The following ZNF407 variants were observed in gnomAD, a reference collection of about 807,000 sequenced individuals.
The protein encoded by ZNF407 is zinc finger protein 407.
ZNF407 carries 17 observed loss-of-function variants against 131.2 expected under a neutral mutation model. The ratio of observed to expected loss-of-function variants is 0.13; its 90% CI spans 0.09 to 0.19. The LOEUF is 0.19. Among genes scored for constraint, ZNF407 ranks in the 10% least tolerant of loss-of-function variants. The pLI is 1.00. For synonymous variants in ZNF407, 1,156 were observed against 1,062.0 expected (o/e 1.09, Z -1.72); for missense variants, 2,681 against 2,830.6 (o/e 0.95, Z 1.20).
intron 8 of ZNF407, among the ~76,000 whole-genome samples, chr18:75,001,070 C>A (rs1972839834): frequency 6.6e-6 from 1 of 152,100 alleles, no homozygotes; most frequent in African/African-American, 2.4e-5. Flanking sequence ...CTCATCAGTG[C>A]CTATCACATG....
At chr18:74,822,614 A>G (rs1374938867) in intron 4 of ZNF407, among the ~76,000 whole-genome samples, 1 of 152,022 alleles carries the variant, frequency 6.6e-6, no homozygotes, top group Non-Finnish European at 1.5e-5. Flanking sequence ...GTTCTGTTCC[A>G]TTGGTCTATA....
intron 3 of ZNF407, among the ~76,000 whole-genome samples, chr18:74,763,098 A>G (rs1969133893): frequency 6.9e-6 from 1 of 145,544 alleles, no homozygotes; most frequent in Admixed American, 7.0e-5. Flanking sequence ...TGCAATTGTT[A>G]GTCTGTCTGG....
At position 75,044,670 on chromosome 18, in the gene ZNF407, T is replaced by C. The variant is rs559542297; in HGVS notation, c.5429-18480T>C. On this transcript the variant is annotated intron_variant, in intron 8 of 8. Transcript: ENST00000299687. ...GATTGTTGTGATCATGAGGTTTCCATTGATATGTTTGATAAGTGGTTTAAA... is the reference window on the plus strand; with the variant it reads ...GATTGTTGTGATCATGAGGTTTCCACTGATATGTTTGATAAGTGGTTTAAA... Among the ~76,000 whole-genome samples, 293 of 152,320 alleles carry C rather than the reference T, an allele frequency of 1.9e-3. 2 individuals carry two copies. Among genetic ancestry groups the C allele is most frequent in the African/African-American group, 6.7e-3 (280 of 41,570 alleles).
At chr18:74,725,252 C>G (rs2144881020) in intron 3 of ZNF407, among the ~76,000 whole-genome samples, 1 of 152,272 alleles carries the variant, frequency 6.6e-6, no homozygotes, top group African/African-American at 2.4e-5. Context: ...CCTCTCAGCT[C>G]AGACTCCCTG....
At chr18:74,656,941 T>G (rs1985485094) in intron 3 of ZNF407, among the ~76,000 whole-genome samples, 1 of 152,232 alleles carries the variant, frequency 6.6e-6, no homozygotes, top group African/African-American at 2.4e-5. Context: ...TATTGCTTAT[T>G]ACTGTGCTTA....
At chr18:74,911,793 G>A (rs1971676159) in intron 7 of ZNF407, among the ~76,000 whole-genome samples, 1 of 152,092 alleles carries the variant, frequency 6.6e-6, no homozygotes, top group Admixed American at 6.6e-5. Context: ...GCTGTCAAGT[G>A]GTTCCCCCAA....
rs1340136695 is a variant in ZNF407 at position 74,707,151 on chromosome 18, A to G, written c.4802+66029A>G. Among the ~76,000 whole-genome samples the G allele has an allele frequency of 9.1e-4, 138 of 151,982 alleles. 1 individual carries two copies. Among genetic ancestry groups the G allele is most frequent in the Non-Finnish European group, 4.4e-5 (3 of 68,004 alleles). ...TTTTTAGTAGAGACAAGGTTTTACC[A>G]TGTTGGTCAGGCAGTTCTTGTACTC... On this transcript the variant is annotated intron_variant, in intron 3 of 8. Coordinates refer to ENST00000299687, the MANE Select transcript of ZNF407 (RefSeq NM_017757.3).
At chr18:74,659,542 A>G (rs1248786565) in intron 3 of ZNF407, among the ~76,000 whole-genome samples, 1 of 152,200 alleles carries the variant, frequency 6.6e-6, no homozygotes, top group Non-Finnish European at 1.5e-5. Context: ...GACAATGGTT[A>G]CTGGAGCTAT....
At position 75,012,294 on chromosome 18, in the gene ZNF407, T is replaced by C. The variant is rs189395624; in HGVS notation, c.5429-50856T>C. On this transcript the variant is annotated intron_variant, in intron 8 of 8. Coordinates refer to ENST00000299687, the MANE Select transcript of ZNF407 (RefSeq NM_017757.3). Reference sequence around the variant, plus strand: ...TATGTACACATAGTGTATGTACACATAGTGTATGTACACATAGTGTATGTA... The same window carrying C: ...TATGTACACATAGTGTATGTACACACAGTGTATGTACACATAGTGTATGTA... 5.8e-3 allele frequency among the ~76,000 whole-genome samples: 677 copies of C among 115,860 alleles called. 16 individuals carry two copies. The highest frequency in any genetic ancestry group is 0.02 in the African/African-American group (627 of 32,066). 76.0% of individuals were successfully genotyped at this position (115,860 alleles called of 152,430 possible). A position where few individuals can be genotyped will look rare whatever the true frequency, so the allele number is the denominator to read the frequency against.
At chr18:74,674,222 C>T (rs930293591) in intron 3 of ZNF407, among the ~76,000 whole-genome samples, 6 of 152,184 alleles carry the variant, frequency 3.9e-5, no homozygotes, top group South Asian at 2.1e-4. Flanking sequence ...CCTGCCACTC[C>T]GCTGAAACCA....
chr18:74,845,102 GA>G (rs935570765), intron 4 of ZNF407, among the ~76,000 whole-genome samples: 25 of 152,356 alleles, frequency 1.6e-4, no homozygotes, highest in African/African-American at 6.0e-4. Context: ...AAGGCAACCA[GA>G]AGGGCAAAAG....
chr18:74,913,095 C>A (rs994989330), intron 7 of ZNF407, among the ~76,000 whole-genome samples: 9 of 152,186 alleles, frequency 5.9e-5, no homozygotes, highest in Non-Finnish European at 1.2e-4. Flanking sequence ...CAGGCTCAGG[C>A]TCTGAAACAT....
chr18:74,671,979 G>T (rs1986157498), intron 3 of ZNF407, among the ~76,000 whole-genome samples: 1 of 152,208 alleles, frequency 6.6e-6, no homozygotes, highest in South Asian at 2.1e-4. Flanking sequence ...CATCTAGGTT[G>T]ATTCCATGTC....
At chr18:74,623,149 TGTGA>T (rs934538748) in intron 1 of ZNF407, among the ~76,000 whole-genome samples, 3 of 45,136 alleles carry the variant, frequency 6.6e-5, no homozygotes, top group African/African-American at 1.1e-4. Flanking sequence ...CGTGTGAATG[TGTGA>T]GTGCGTGTGT....
chr18:74,982,950 T>C (rs570272717), intron 8 of ZNF407, among the ~76,000 whole-genome samples: 4 of 152,224 alleles, frequency 2.6e-5, no homozygotes, highest in African/African-American at 9.6e-5. Context: ...AGTGTAAAGT[T>C]GTCTGAAAAA....
intron 8 of ZNF407, among the ~76,000 whole-genome samples, chr18:74,925,316 G>C (rs534955880): frequency 6.6e-6 from 1 of 152,066 alleles, no homozygotes; most frequent in Non-Finnish European, 1.5e-5. Context: ...GCAGTTTGGT[G>C]TTCTCTATAA....
intron 3 of ZNF407, among the ~76,000 whole-genome samples, chr18:74,655,414 A>G (rs959649873): frequency 9.9e-5 from 15 of 152,114 alleles, no homozygotes; most frequent in Non-Finnish European, 1.8e-4. Flanking sequence ...GAAAAAATAT[A>G]CATTACCTTA....
intron 3 of ZNF407, among the ~76,000 whole-genome samples, chr18:74,681,065 C>A (rs1305996714): frequency 6.6e-6 from 1 of 151,958 alleles, no homozygotes; most frequent in Non-Finnish European, 1.5e-5. Flanking sequence ...AACTATAATA[C>A]CAGGCAGGTG....
At chr18:74,994,647 A>C (rs553980866) in intron 8 of ZNF407, among the ~76,000 whole-genome samples, 2 of 152,152 alleles carry the variant, frequency 1.3e-5, no homozygotes, top group Non-Finnish European at 2.9e-5. Flanking sequence ...TCATGTTTAG[A>C]TTCTCAAACG....
Sources: allele counts gnomAD v4.1 joint callset (sites outside exome capture counted in the v4.1 genomes callset), GRCh38; gene constraint gnomAD v4.1.1; transcripts MANE v1.5; gene names NCBI Gene and HGNC (gene_info 2026-07-23, HGNC 2026-07-21).